Variants in NCOA1 observed in about 807,000 individuals in gnomAD.
NCOA1 encodes the protein nuclear receptor coactivator 1.
In NCOA1, 35 loss-of-function variants were observed where a neutral mutation model predicts 150.9. That is an observed-to-expected ratio of 0.23 (90% CI 0.18 to 0.31). NCOA1 has a LOEUF of 0.31. Among genes scored for constraint, NCOA1 ranks in the 10% least tolerant of loss-of-function variants. NCOA1 has a pLI of 1.00. For missense variants in NCOA1, 1,491 were observed against 1,749.3 expected (o/e 0.85, Z 2.63); for synonymous variants, 590 against 630.0 (o/e 0.94, Z 0.95).
At chr2:24,679,202 C>T (rs1672052622) in intron 7 of NCOA1, among the ~76,000 whole-genome samples, 1 of 152,186 alleles carries the variant, frequency 6.6e-6, no homozygotes, top group Non-Finnish European at 1.5e-5. Context: ...AATGCATAGG[C>T]ATTTGTTGTC....
intron 1 of NCOA1, among the ~76,000 whole-genome samples, chr2:24,531,592 G>A (rs1664903667): frequency 6.6e-6 from 1 of 152,050 alleles, no homozygotes; most frequent in Admixed American, 6.6e-5. Context: ...TTATCCTAAT[G>A]CCATCCCTCC....
intron 4 of NCOA1, among the ~76,000 whole-genome samples, chr2:24,652,180 A>G (rs1558874896): frequency 1.3e-5 from 2 of 152,126 alleles, no homozygotes. Context: ...TCTCCAAACA[A>G]TAGAATATTA....
chr2:24,716,490 C>A (rs1186121633), intron 14 of NCOA1, among the ~76,000 whole-genome samples: 1 of 152,088 alleles, frequency 6.6e-6, no homozygotes, highest in Non-Finnish European at 1.5e-5. Context: ...AACAACTGAA[C>A]ATCTATGTAG....
chr2:24,687,124 A>G (rs1352882963), intron 8 of NCOA1, among the ~76,000 whole-genome samples: 1 of 151,970 alleles, frequency 6.6e-6, no homozygotes, highest in Non-Finnish European at 1.5e-5. Flanking sequence ...TACCTTAATT[A>G]AGGTAGGAAT....
At chr2:24,745,425 G>A (rs1007014782) in intron 19 of NCOA1, among the ~76,000 whole-genome samples, 11 of 152,130 alleles carry the variant, frequency 7.2e-5, no homozygotes, top group African/African-American at 2.7e-4. Context: ...GCCTCCCAAA[G>A]TGCTGGGATT....
chr2:24,519,685 G>A (rs903457003), intron 1 of NCOA1, among the ~76,000 whole-genome samples: 3 of 150,982 alleles, frequency 2.0e-5, no homozygotes, highest in African/African-American at 7.3e-5. Context: ...GCTGGGTTAG[G>A]TGGTGCATGC....
intron 1 of NCOA1, among the ~76,000 whole-genome samples, chr2:24,505,275 C>G (rs144406152): frequency 6.6e-6 from 1 of 151,986 alleles, no homozygotes; most frequent in Non-Finnish European, 1.5e-5. Context: ...CAACCTCCGC[C>G]TCCTGGGTTC....
intron 14 of NCOA1, among the ~76,000 whole-genome samples, chr2:24,713,707 G>C (rs566496773): frequency 6.6e-6 from 1 of 152,266 alleles, no homozygotes; most frequent in South Asian, 2.1e-4. Flanking sequence ...AAGCAAGTCA[G>C]GTGAGCTCTA....
At chr2:24,644,355 A>G (rs770825588) in intron 4 of NCOA1, among the ~76,000 whole-genome samples, 4 of 152,174 alleles carry the variant, frequency 2.6e-5, no homozygotes, top group Non-Finnish European at 5.9e-5. Context: ...GAGACCCTCA[A>G]AGTCCTTACT....
chr2:24,669,701 AC>A (rs1671597713), intron 6 of NCOA1, among the ~76,000 whole-genome samples: 3 of 152,190 alleles, frequency 2.0e-5, no homozygotes, highest in Admixed American at 2.0e-4. Flanking sequence ...AAAAATAAAG[AC>A]CCTGAATAGA....
intron 3 of NCOA1, among the ~76,000 whole-genome samples, chr2:24,629,813 CATACATAT>C (rs1433111322): frequency 0.036 from 2,746 of 77,324 alleles, 72 homozygotes; most frequent in African/African-American, 0.059. Flanking sequence ...AAGTAACATA[CATACATAT>C]ATATATATAT....
chr2:24,662,462 T>C (rs1259750381), intron 5 of NCOA1, among the ~76,000 whole-genome samples: 3 of 152,204 alleles, frequency 2.0e-5, no homozygotes, highest in Admixed American at 6.5e-5. Flanking sequence ...ATGTGAGACA[T>C]GTTTCTGTCT....
At chr2:24,544,219 G>A (rs1665513179) in intron 1 of NCOA1, among the ~76,000 whole-genome samples, 1 of 152,114 alleles carries the variant, frequency 6.6e-6, no homozygotes, top group African/African-American at 2.4e-5. Context: ...GATTAGGGAA[G>A]GATGGTTGAG....
intron 1 of NCOA1, among the ~76,000 whole-genome samples, chr2:24,507,952 G>T (rs1663776767): frequency 6.6e-6 from 1 of 151,890 alleles, no homozygotes; most frequent in African/African-American, 2.4e-5. Flanking sequence ...GAAGTAATAT[G>T]GAAACAAACA....
chr2:24,582,933 T>C (rs963127333), intron 2 of NCOA1, among the ~76,000 whole-genome samples: 1 of 152,168 alleles, frequency 6.6e-6, no homozygotes, highest in African/African-American at 2.4e-5. Flanking sequence ...TCTCTCATCG[T>C]ATACAAAAAT....
chr2:24,589,745 A>G (rs1255363496), intron 3 of NCOA1, among the ~76,000 whole-genome samples: 2 of 152,010 alleles, frequency 1.3e-5, no homozygotes, highest in Non-Finnish European at 2.9e-5. Flanking sequence ...GTACAGTCTT[A>G]GTGGGAAGTG....
At chr2:24,512,428 C>G (rs993399427) in intron 1 of NCOA1, among the ~76,000 whole-genome samples, 1 of 152,152 alleles carries the variant, frequency 6.6e-6, no homozygotes, top group African/African-American at 2.4e-5. Flanking sequence ...ATTATATCCA[C>G]CGGTGCAGTA....
At chr2:24,522,461 G>A (rs1264211533) in intron 1 of NCOA1, among the ~76,000 whole-genome samples, 6 of 152,168 alleles carry the variant, frequency 3.9e-5, no homozygotes. Context: ...AACTATAGTA[G>A]AGGTAGATAT....
chr2:24,600,248 G>A (rs994202040), intron 3 of NCOA1, among the ~76,000 whole-genome samples: 2 of 152,092 alleles, frequency 1.3e-5, no homozygotes, highest in African/African-American at 4.8e-5. Context: ...TGTCGCCCAG[G>A]CTGGAGTGCA....
Sources: gnomAD v4.1 joint callset for allele counts (sites outside exome capture counted in the v4.1 genomes callset) on GRCh38, gnomAD v4.1.1 for gene constraint, MANE v1.5 for transcripts, NCBI Gene and HGNC (gene_info 2026-07-23, HGNC 2026-07-21) for gene names.